Variants in RASSF3 observed in about 807,000 individuals in gnomAD.
RASSF3 encodes ras association domain-containing protein 3.
RASSF3 carries 19 observed loss-of-function variants against 19.9 expected under a neutral mutation model. That is an observed-to-expected ratio of 0.96 (90% CI 0.67 to 1.40). The LOEUF is 1.40. Ranked by LOEUF, RASSF3 falls within the 40% of genes most tolerant of loss-of-function variation. The probability of loss-of-function intolerance (pLI) is 0.00; values close to 1 mark genes in which losing one functional copy is unlikely to be tolerated. For synonymous variants in RASSF3, 110 were observed against 104.2 expected (o/e 1.06, Z -0.34); for missense variants, 306 against 289.8 (o/e 1.06, Z -0.41).
chr12:64,514,347 G>A (rs755630438), intron 1 of RASSF3, among the ~76,000 whole-genome samples: 15 of 151,048 alleles, frequency 9.9e-5, no homozygotes, highest in Non-Finnish European at 1.9e-4. Flanking sequence ...CCACTACGCC[G>A]AGCTAATTTA....
intron 1 of RASSF3, among the ~76,000 whole-genome samples, chr12:64,632,519 A>G (rs1335010182): frequency 6.6e-6 from 1 of 152,104 alleles, no homozygotes; most frequent in Non-Finnish European, 1.5e-5. Flanking sequence ...AGTGGGAGAG[A>G]GAAGGACTCC....
intron 2 of RASSF3, among the ~76,000 whole-genome samples, chr12:64,573,005 G>T (rs1368082975): frequency 6.6e-6 from 1 of 152,188 alleles, no homozygotes; most frequent in Non-Finnish European, 1.5e-5. Flanking sequence ...AAAGCACTGG[G>T]ATTATAAGCA....
chr12:64,566,681 C>T lies in RASSF3; in HGVS notation c.294+24976C>T, dbSNP rs141230089. ...ACTGAGGGCTCCACACAGAGATGCTCGGGAATTTTCATAGCTAGAGACGAA... is the reference window on the plus strand; with the variant it reads ...ACTGAGGGCTCCACACAGAGATGCTTGGGAATTTTCATAGCTAGAGACGAA... On this transcript the variant is annotated intron_variant, in intron 2 of 5. Coordinates refer to the RASSF3 transcript ENST00000637125. 7.9e-5 allele frequency among the ~76,000 whole-genome samples: 12 copies of T among 152,164 alleles called. No individual in the cohort carries two copies. The South Asian group carries it at 1.9e-3, about 24-fold the overall frequency.
intron 1 of RASSF3, among the ~76,000 whole-genome samples, chr12:64,651,611 C>A (rs939319777): frequency 6.6e-6 from 1 of 152,118 alleles, no homozygotes; most frequent in Non-Finnish European, 1.5e-5. Flanking sequence ...TCACCCTCCT[C>A]GGCCTCCCAG....
chr12:64,621,187 C>T (rs1391157849), intron 1 of RASSF3, among the ~76,000 whole-genome samples: 2 of 152,188 alleles, frequency 1.3e-5, no homozygotes, highest in African/African-American at 4.8e-5. Flanking sequence ...CCACCCACCT[C>T]GGCCTCCCAA....
At chr12:64,573,740 G>A (rs2136131327) in intron 2 of RASSF3, among the ~76,000 whole-genome samples, 1 of 152,230 alleles carries the variant, frequency 6.6e-6, no homozygotes, top group African/African-American at 2.4e-5. Context: ...GGCTGAGAAA[G>A]ATTGAAGTTT....
At chr12:64,555,992 T>C (rs910594381) in intron 2 of RASSF3, among the ~76,000 whole-genome samples, 7 of 152,114 alleles carry the variant, frequency 4.6e-5, no homozygotes, top group African/African-American at 1.4e-4. Flanking sequence ...CAAGATGGGA[T>C]TGCACATGAG....
At chr12:64,535,766 C>T (rs1374550638) in intron 1 of RASSF3, among the ~76,000 whole-genome samples, 1 of 151,010 alleles carries the variant, frequency 6.6e-6, no homozygotes, top group African/African-American at 2.4e-5. Flanking sequence ...TGGGTCACTG[C>T]AACCTTTGCC....
At position 64,580,575 on chromosome 12, in the gene RASSF3, A is replaced by AACACACACAC. The variant is rs201737911; in HGVS notation, c.294+38900_294+38909dup. On this transcript the variant is annotated intron_variant, in intron 2 of 5. Transcript: ENST00000637125. Reference sequence around the variant, plus strand: ...TGAGACCTTGTCTCTTTTTTAGGAAAACACACACACACACACACACACACA... The same window carrying AACACACACAC: ...TGAGACCTTGTCTCTTTTTTAGGAAAACACACACACACACACACACACACACACACACACA... Among the ~76,000 whole-genome samples the AACACACACAC allele has an allele frequency of 9.1e-3, 1,281 of 141,382 alleles. 9 individuals carry two copies. Among genetic ancestry groups the AACACACACAC allele is most frequent in the African/African-American group, 0.021 (787 of 37,796 alleles). 92.8% of individuals were successfully genotyped at this position (141,382 alleles called of 152,430 possible).
intron 1 of RASSF3, among the ~76,000 whole-genome samples, chr12:64,660,256 C>G (rs1479679376): frequency 1.3e-5 from 2 of 151,996 alleles, no homozygotes; most frequent in African/African-American, 4.8e-5. Context: ...TTGCTGGAAA[C>G]AAATTCTTTG....
chr12:64,510,844 C>T (rs568735113), intron 1 of RASSF3, among the ~76,000 whole-genome samples: 54 of 152,218 alleles, frequency 3.5e-4, no homozygotes, highest in Middle Eastern at 3.4e-3. Context: ...AAACAGAGCT[C>T]AAGAGCATTG....
At chr12:64,685,888 C>G (rs1435933158) in intron 2 of RASSF3, among the ~76,000 whole-genome samples, 2 of 152,200 alleles carry the variant, frequency 1.3e-5, no homozygotes, top group Non-Finnish European at 2.9e-5. Context: ...CTTGTCAGCC[C>G]TTGGCGCCAG....
intron 2 of RASSF3, among the ~76,000 whole-genome samples, chr12:64,568,087 A>G (rs772415819): frequency 1.3e-5 from 2 of 152,210 alleles, no homozygotes; most frequent in Non-Finnish European, 2.9e-5. Flanking sequence ...GCTGGAGTGC[A>G]GTGGCGCGAT....
chr12:64,694,929 C>A lies in RASSF3; in HGVS notation c.*17C>A, dbSNP rs73323421. The A allele has an allele frequency of 1.2e-6, 2 of 1,612,726 alleles. No homozygotes were observed. The highest frequency in any genetic ancestry group is 2.2e-5 in the South Asian group (2 of 91,032). ...CCTGATTAAAGCGGGGCTCCCTGCC[C>A]GTGAGGCCCGGTGCAGGACCGATGT... On this transcript the variant is annotated 3_prime_UTR_variant, in exon 5 of 5. Transcript: ENST00000542104.
intron 1 of RASSF3, among the ~76,000 whole-genome samples, chr12:64,683,279 G>T (rs947367194): frequency 1.3e-5 from 2 of 152,178 alleles, no homozygotes; most frequent in Non-Finnish European, 2.9e-5. Context: ...GTTGGGAGAA[G>T]TAAAGGCAAT....
intron 1 of RASSF3, among the ~76,000 whole-genome samples, chr12:64,661,353 G>A (rs138782594): frequency 1.3e-5 from 2 of 152,234 alleles, no homozygotes; most frequent in East Asian, 3.9e-4. Context: ...TGGGCACAGT[G>A]TGGCGCCTGT....
intron 1 of RASSF3, among the ~76,000 whole-genome samples, chr12:64,681,619 A>G (rs1337454741): frequency 6.6e-6 from 1 of 152,226 alleles, no homozygotes; most frequent in African/African-American, 2.4e-5. Flanking sequence ...AACTGAATGT[A>G]CAAGCCAAGA....
chr12:64,690,585 C>T (rs1868266576), intron 3 of RASSF3, among the ~76,000 whole-genome samples: 1 of 152,118 alleles, frequency 6.6e-6, no homozygotes, highest in Admixed American at 6.5e-5. Flanking sequence ...AAGTGATGCT[C>T]TTGCCTCAGC....
chr12:64,655,007 A>C (rs906277197), intron 1 of RASSF3: 1 of 152,242 alleles, frequency 6.6e-6, no homozygotes, highest in Admixed American at 6.5e-5. Flanking sequence ...TTTACTGACT[A>C]TCAAGAACTC....
Sources: allele counts gnomAD v4.1 joint callset (sites outside exome capture counted in the v4.1 genomes callset), GRCh38; gene constraint gnomAD v4.1.1; transcripts MANE v1.5; gene names NCBI Gene and HGNC (gene_info 2026-07-23, HGNC 2026-07-21).